CTBP2: variants seen among roughly 807,000 people sequenced by gnomAD.
The protein encoded by CTBP2 is C-terminal-binding protein 2.
CTBP2 carries 30 observed loss-of-function variants against 80.3 expected under a neutral mutation model. That is an observed-to-expected ratio of 0.37 (90% CI 0.28 to 0.51). The LOEUF (loss-of-function observed/expected upper bound fraction) is 0.51. CTBP2 is among the 20% of genes least tolerant of loss of function. The pLI, the probability that CTBP2 is intolerant of heterozygous loss-of-function variation, is 0.93. For synonymous variants in CTBP2, 594 were observed against 587.4 expected (o/e 1.01, Z -0.16); for missense variants, 1,212 against 1,375.3 (o/e 0.88, Z 1.88).
rs183992857 is a variant in CTBP2 at position 125,090,337 on chromosome 10, C to G, written c.-102+20653G>C. Among the ~76,000 whole-genome samples, 266 of 130,170 alleles carry G rather than the reference C, an allele frequency of 2.0e-3. 3 individuals are homozygous for G. Among genetic ancestry groups the G allele is most frequent in the African/African-American group, 8.4e-3 (256 of 30,386 alleles). The allele number at this position is 130,170 out of a possible 152,430, so 85.4% of individuals were successfully genotyped here. On this transcript the variant is annotated intron_variant, in intron 2 of 10. Coordinates refer to the CTBP2 transcript ENST00000337195. ...GATGGGATTTGGCTGAAACATGAAA[C>G]AGTGAAATGCAAAGAATGTATCATA...
intron 2 of CTBP2, among the ~76,000 whole-genome samples, chr10:125,040,693 G>A (rs1959462071): frequency 6.6e-6 from 1 of 151,886 alleles, no homozygotes; most frequent in Non-Finnish European, 1.5e-5. Context: ...TGAGGCCCAA[G>A]GGGTAGAAAT....
At chr10:125,125,982 T>TA (rs1855174698) in intron 1 of CTBP2, among the ~76,000 whole-genome samples, 1 of 152,196 alleles carries the variant, frequency 6.6e-6, no homozygotes, top group Non-Finnish European at 1.5e-5. Flanking sequence ...AGAAACCAAA[T>TA]AGATGACATG....
intron 2 of CTBP2, among the ~76,000 whole-genome samples, chr10:125,080,067 T>C (rs1846943025): frequency 6.6e-6 from 1 of 152,242 alleles, no homozygotes; most frequent in African/African-American, 2.4e-5. Context: ...CTCCGCTGTA[T>C]ATTTATGCAC....
intron 1 of CTBP2, chr10:125,005,598 A>AC (rs746553068): frequency 6.2e-7 from 1 of 1,612,526 alleles, no homozygotes. Flanking sequence ...AAAGCTGGAT[A>AC]CCCCCTCAGC....
At chr10:125,077,906 T>A (rs1446324640) in intron 2 of CTBP2, among the ~76,000 whole-genome samples, 3 of 152,212 alleles carry the variant, frequency 2.0e-5, no homozygotes, top group Non-Finnish European at 4.4e-5. Flanking sequence ...AGCAGCCAAG[T>A]CTGACTTCAG....
chr10:125,114,409 A>C (rs566717001), intron 1 of CTBP2, among the ~76,000 whole-genome samples: 1 of 151,664 alleles, frequency 6.6e-6, no homozygotes, highest in East Asian at 2.1e-4. Context: ...CAGCACCCAG[A>C]GATGGATTTG....
intron 2 of CTBP2, among the ~76,000 whole-genome samples, chr10:125,070,944 A>C (rs1367794249): frequency 6.6e-6 from 1 of 152,202 alleles, no homozygotes; most frequent in African/African-American, 2.4e-5. Flanking sequence ...ATTTTTCTAA[A>C]ATAAAAACTT....
chr10:125,042,264 A>T (rs1025551427), intron 2 of CTBP2, among the ~76,000 whole-genome samples: 14 of 152,232 alleles, frequency 9.2e-5, no homozygotes, highest in Non-Finnish European at 4.4e-5. Context: ...TTCCAATGAC[A>T]GCCACAGGCC....
Position 124,994,634 on chromosome 10 carries a change from G to A in CTBP2, c.2235C>T (p.Ser745=). The change falls in exon 5 of 9, where the codon AGC becomes AGT. Residue 745 remains serine (S), a synonymous_variant. Transcript: ENST00000309035. Reference sequence around the variant, plus strand: ...GCAAGTAGGGGTCATAAAATATGACGCTGAATCCAAAGGCCTTGGCTCGAA... The same window carrying A: ...GCAAGTAGGGGTCATAAAATATGACACTGAATCCAAAGGCCTTGGCTCGAA... 3 of 1,614,152 alleles carry A rather than the reference G, an allele frequency of 1.9e-6. No homozygotes were observed. Among genetic ancestry groups the A allele is most frequent in the Non-Finnish European group, 2.5e-6 (3 of 1,179,998 alleles).
chr10:125,073,667 A>T (rs549241231), intron 2 of CTBP2, among the ~76,000 whole-genome samples: 22 of 152,380 alleles, frequency 1.4e-4, no homozygotes, highest in African/African-American at 5.3e-4. Context: ...TGATTCATAT[A>T]GGCATTTATA....
chr10:125,007,014 A>G (rs1045740118), intron 1 of CTBP2, among the ~76,000 whole-genome samples: 3 of 152,214 alleles, frequency 2.0e-5, no homozygotes, highest in African/African-American at 7.2e-5. Context: ...GCCCCGTACC[A>G]CGGTGCGCAA....
At chr10:125,005,789 C>T in intron 1 of CTBP2, 1 of 1,612,394 alleles carries the variant, frequency 6.2e-7, no homozygotes, top group African/African-American at 1.3e-5. Context: ...CCCTGTGGGG[C>T]CTGGAAGTCC....
At chr10:125,151,371 T>A (rs1276904385) in intron 1 of CTBP2, among the ~76,000 whole-genome samples, 1 of 152,074 alleles carries the variant, frequency 6.6e-6, no homozygotes, top group South Asian at 2.1e-4. Context: ...ATGTCACTCG[T>A]CCTCGACGTG....
intron 1 of CTBP2, among the ~76,000 whole-genome samples, chr10:125,141,580 G>A (rs1256381216): frequency 6.6e-6 from 1 of 152,124 alleles, no homozygotes; most frequent in African/African-American, 2.4e-5. Context: ...GAAGTCACAG[G>A]AGCACGGAAC....
chr10:125,050,860 C>A (rs1418417893), intron 2 of CTBP2, among the ~76,000 whole-genome samples: 1 of 152,180 alleles, frequency 6.6e-6, no homozygotes, highest in African/African-American at 2.4e-5. Flanking sequence ...TGATGAGAAT[C>A]TTCTAGAGAA....
chr10:125,057,837 C>A (rs1964250762), intron 2 of CTBP2, among the ~76,000 whole-genome samples: 1 of 152,174 alleles, frequency 6.6e-6, no homozygotes. Context: ...CATCCCAGTG[C>A]TTCGGGCAAC....
At chr10:125,147,964 A>C (rs1859099749) in intron 1 of CTBP2, among the ~76,000 whole-genome samples, 1 of 152,144 alleles carries the variant, frequency 6.6e-6, no homozygotes, top group African/African-American at 2.4e-5. Flanking sequence ...CTTTAGAAAC[A>C]CTACTTCATT....
chr10:124,998,535 C>T (rs1953979028), intron 3 of CTBP2: 1 of 330,302 alleles, frequency 3.0e-6, no homozygotes, highest in Non-Finnish European at 5.7e-6. Flanking sequence ...CAGACTCCTC[C>T]AAGTGGACCC....
Position 124,984,559 on chromosome 10 carries a change from T to C in CTBP2, c.*4959A>G. ...CTCTAGTGTGCTCCTCTTTAGTTTTTTTCTGAGAAATTTCCCATTTATGTC... is the reference window on the plus strand; with the variant it reads ...CTCTAGTGTGCTCCTCTTTAGTTTTCTTCTGAGAAATTTCCCATTTATGTC... On this transcript the variant is annotated 3_prime_UTR_variant, in exon 9 of 9. Coordinates refer to ENST00000309035, the MANE Select transcript of CTBP2 (RefSeq NM_022802.3). 2 of 538,814 alleles carry C rather than the reference T, an allele frequency of 3.7e-6. No homozygotes were observed. The highest frequency in any genetic ancestry group is 2.9e-5 in the East Asian group (1 of 33,920). The allele number at this position is 538,814 out of a possible 1,614,324, so 33.4% of individuals were successfully genotyped here. A position where few individuals can be genotyped will look rare whatever the true frequency, so the allele number is the denominator to read the frequency against.
Sources: gnomAD v4.1 joint callset for allele counts (sites outside exome capture counted in the v4.1 genomes callset) on GRCh38, gnomAD v4.1.1 for gene constraint, MANE v1.5 for transcripts, NCBI Gene and HGNC (gene_info 2026-07-23, HGNC 2026-07-21) for gene names.